WWOX: variants seen among roughly 807,000 people sequenced by gnomAD.
WWOX encodes WW domain containing oxidoreductase.
Under a neutral mutation model 46.2 loss-of-function variants are expected in WWOX, and 69 were observed. The ratio of observed to expected loss-of-function variants is 1.49; its 90% CI spans 1.23 to 1.82. The LOEUF (loss-of-function observed/expected upper bound fraction) is 1.82, where lower values mean the gene tolerates loss of function less well. Among genes scored for constraint, WWOX ranks in the 40% most tolerant of loss-of-function variants. The probability of loss-of-function intolerance (pLI) is 0.00; values close to 1 mark genes in which losing one functional copy is unlikely to be tolerated. For missense variants in WWOX, 919 were observed against 542.6 expected, an observed-to-expected ratio of 1.69 and a Z score of -6.89; for synonymous variants, 359 against 202.6, an observed-to-expected ratio of 1.77 and a Z score of -6.56.
intron 8 of WWOX, among the ~76,000 whole-genome samples, chr16:78,561,484 C>A (rs150561386): frequency 1.3e-3 from 201 of 152,156 alleles, no homozygotes; most frequent in Admixed American, 2.4e-3. Flanking sequence ...ATGACAGTAC[C>A]TAGAGTATGA....
chr16:78,957,294 T>A (rs1265527627), intron 8 of WWOX, among the ~76,000 whole-genome samples: 3 of 152,244 alleles, frequency 2.0e-5, no homozygotes, highest in Non-Finnish European at 4.4e-5. Context: ...CAGATAATTA[T>A]CTGAGAAAAC....
intron 5 of WWOX, among the ~76,000 whole-genome samples, chr16:78,285,428 G>C (rs1469069869): frequency 4.0e-5 from 6 of 150,810 alleles, no homozygotes; most frequent in Non-Finnish European, 8.8e-5. Flanking sequence ...GTGAGACCCT[G>C]TCTCTGAAAA....
intron 8 of WWOX, among the ~76,000 whole-genome samples, chr16:78,981,069 C>T (rs959858420): frequency 2.0e-5 from 3 of 152,096 alleles, no homozygotes; most frequent in Non-Finnish European, 2.9e-5. Context: ...CTTTGCAGAC[C>T]CCTGGGAGCC....
intron 8 of WWOX, among the ~76,000 whole-genome samples, chr16:78,828,303 T>A (rs7499843): frequency 0.27 from 40,763 of 151,890 alleles, 6,351 homozygotes; most frequent in Middle Eastern, 0.42. Flanking sequence ...TGGGTGTTAA[T>A]CCAGGGGCCA....
intron 8 of WWOX, among the ~76,000 whole-genome samples, chr16:78,942,455 C>T (rs571966185): frequency 6.6e-6 from 1 of 152,134 alleles, no homozygotes; most frequent in African/African-American, 2.4e-5. Flanking sequence ...GAAGATAAGT[C>T]TGTTGCCCCA....
intron 8 of WWOX, among the ~76,000 whole-genome samples, chr16:78,910,755 T>G (rs926831365): frequency 4.6e-5 from 7 of 151,880 alleles, no homozygotes; most frequent in Admixed American, 1.3e-4. Flanking sequence ...TCGTGGGACT[T>G]ACTCACTATC....
chr16:78,731,840 TTTCTC>T lies in WWOX; in HGVS notation c.1056+299091_1056+299095del, dbSNP rs1157517748. Among the ~76,000 whole-genome samples the T allele has an allele frequency of 3.0e-3, 381 of 125,306 alleles. 15 individuals are homozygous for T. The highest frequency in any genetic ancestry group is 0.015 in the African/African-American group (350 of 22,950). 82.2% of individuals were successfully genotyped at this position (125,306 alleles called of 152,430 possible). A position where few individuals can be genotyped will look rare whatever the true frequency, so the allele number is the denominator to read the frequency against. ...CACTCCCCAATGCCAATTTTTTTTC[TTTCTC>T]TTTTTTTTTTTTTTTTTTGAGAGAC... On this transcript the variant is annotated intron_variant, in intron 8 of 8. Transcript: ENST00000566780.
intron 8 of WWOX, among the ~76,000 whole-genome samples, chr16:79,165,152 A>G (rs1227273571): frequency 3.1e-5 from 1 of 31,846 alleles, no homozygotes; most frequent in African/African-American, 2.1e-4. Flanking sequence ...AAACGAAGGA[A>G]AAAAAAAAAA....
At position 78,909,236 on chromosome 16, in the gene WWOX, T is replaced by G. The variant is rs904796610; in HGVS notation, c.1057-302372T>G. Among the ~76,000 whole-genome samples the G allele has an allele frequency of 2.6e-5, 4 of 152,292 alleles. No individual in the cohort carries two copies. The East Asian group carries it at 7.7e-4, about 29-fold the overall frequency. ...ATAACAGCCAGTCGTTCATGTTTCCTTGTGCCACGTGATTATTTTGTACAG... is the reference window on the plus strand; with the variant it reads ...ATAACAGCCAGTCGTTCATGTTTCCGTGTGCCACGTGATTATTTTGTACAG... On this transcript the variant is annotated intron_variant, in intron 8 of 8. Coordinates refer to ENST00000566780, the MANE Select transcript of WWOX (RefSeq NM_016373.4).
chr16:78,745,522 C>CTTTTTTTTTTTTTTTTTTTTT (rs5818168), intron 8 of WWOX, among the ~76,000 whole-genome samples: 1 of 92,752 alleles, frequency 1.1e-5, no homozygotes, highest in African/African-American at 4.7e-5. Flanking sequence ...TGTGGAAATC[C>CTTTTTTTTTTTTTTTTTTTTT]TTTTTTTTTT....
intron 8 of WWOX, among the ~76,000 whole-genome samples, chr16:78,915,697 T>TC (rs66954267): frequency 2.1e-5 from 2 of 96,032 alleles, no homozygotes; most frequent in Non-Finnish European, 4.4e-5. Flanking sequence ...CCAAAGCCAT[T>TC]TAAAAAAAAA....
chr16:78,369,106 A>C (rs368966242), intron 5 of WWOX, among the ~76,000 whole-genome samples: 1 of 151,000 alleles, frequency 6.6e-6, no homozygotes, highest in Non-Finnish European at 1.5e-5. Flanking sequence ...TTCTCATTGA[A>C]CTTGTGATGT....
chr16:79,006,339 C>T (rs1221011796), intron 8 of WWOX, among the ~76,000 whole-genome samples: 1 of 152,106 alleles, frequency 6.6e-6, no homozygotes. Flanking sequence ...CCGGGGGCCT[C>T]AGCAGGTTAG....
chr16:78,901,697 C>G (rs2044835585), intron 8 of WWOX, among the ~76,000 whole-genome samples: 1 of 152,188 alleles, frequency 6.6e-6, no homozygotes, highest in African/African-American at 2.4e-5. Flanking sequence ...TCATGTTGCC[C>G]AGGCTGGTCT....
intron 8 of WWOX, among the ~76,000 whole-genome samples, chr16:78,983,868 T>TTG (rs1417478134): frequency 9.8e-5 from 11 of 112,280 alleles, no homozygotes; most frequent in African/African-American, 3.4e-4. Flanking sequence ...ATGAGAGCTA[T>TTG]TCTTTTTTTT....
intron 4 of WWOX, among the ~76,000 whole-genome samples, chr16:78,150,026 C>G (rs914525880): frequency 1.3e-5 from 2 of 152,144 alleles, no homozygotes; most frequent in East Asian, 3.9e-4. Context: ...AGCACAGACC[C>G]CATGGTTGAG....
chr16:78,448,266 C>G (rs1195868137), intron 8 of WWOX, among the ~76,000 whole-genome samples: 1 of 152,066 alleles, frequency 6.6e-6, no homozygotes, highest in East Asian at 1.9e-4. Context: ...GAGTAAAATT[C>G]CTCAAGACGA....
intron 8 of WWOX, among the ~76,000 whole-genome samples, chr16:79,184,173 C>A (rs1597454705): frequency 6.6e-6 from 1 of 152,152 alleles, no homozygotes; most frequent in Non-Finnish European, 1.5e-5. Flanking sequence ...ATGCTCAGAA[C>A]TGTTGAATTG....
At chr16:78,615,555 G>A (rs1160510595) in intron 8 of WWOX, among the ~76,000 whole-genome samples, 1 of 151,928 alleles carries the variant, frequency 6.6e-6, no homozygotes, top group African/African-American at 2.4e-5. Context: ...CTACTAGAAA[G>A]GTAAGGCAAG....
Sources: gnomAD v4.1 joint callset for allele counts (sites outside exome capture counted in the v4.1 genomes callset) on GRCh38, gnomAD v4.1.1 for gene constraint, MANE v1.5 for transcripts, NCBI Gene and HGNC (gene_info 2026-07-23, HGNC 2026-07-21) for gene names.